Variants in ARHGEF37 observed in about 807,000 individuals in gnomAD.
ARHGEF37 encodes Rho guanine nucleotide exchange factor (GEF) 37.
In ARHGEF37, 55 loss-of-function variants were observed where a neutral mutation model predicts 71.1. The observed-to-expected ratio is 0.77, with a 90% CI of 0.62 to 0.97. The LOEUF (loss-of-function observed/expected upper bound fraction) is 0.97, where lower values mean the gene tolerates loss of function less well. ARHGEF37 is among the 50% of genes least tolerant of loss of function. The pLI, the probability that ARHGEF37 is intolerant of heterozygous loss-of-function variation, is 0.00. For missense variants in ARHGEF37, 765 were observed against 836.8 expected (o/e 0.91, Z 1.06); for synonymous variants, 327 against 350.6 (o/e 0.93, Z 0.75).
rs548012612 is a variant in ARHGEF37 at position 149,626,912 on chromosome 5, A to G, written c.1465-164A>G. ...CGCCGTAGGCTGCTAAGAGCCAGCC[A>G]TCTGCTAGTGAGGGCCCTGTTGCCC... On this transcript the variant is annotated intron_variant, in intron 10 of 12. Coordinates refer to ENST00000333677, the MANE Select transcript of ARHGEF37 (RefSeq NM_001001669.3). 3.1e-4 allele frequency: 168 copies of G among 540,504 alleles called. 2 individuals are homozygous for G. In the South Asian group the frequency reaches 9.2e-3, roughly 29 times the overall value. 33.5% of individuals were successfully genotyped at this position (540,504 alleles called of 1,614,324 possible).
In ARHGEF37 at chr5:149,572,387, A is replaced by G. The variant is rs574527263; in HGVS notation, c.-12+20264A>G. ...GTTACAGGCTATCAAGGAGACAAGTAAACATTACCCAAGGACTTTGCATTC... is the reference window on the plus strand; with the variant it reads ...GTTACAGGCTATCAAGGAGACAAGTGAACATTACCCAAGGACTTTGCATTC... On this transcript the variant is annotated intron_variant, in intron 1 of 2. Transcript: ENST00000505810. Among the ~76,000 whole-genome samples the G allele has an allele frequency of 4.6e-5, 7 of 152,352 alleles. No homozygotes were observed. In the South Asian group the frequency reaches 1.4e-3, roughly 32 times the overall value.
intron 1 of ARHGEF37, among the ~76,000 whole-genome samples, chr5:149,571,655 G>C (rs1749966236): frequency 6.6e-6 from 1 of 152,112 alleles, no homozygotes; most frequent in Non-Finnish European, 1.5e-5. Flanking sequence ...GCACAGTGGT[G>C]CATGCCTGTA....
At position 149,588,436 on chromosome 5, in the gene ARHGEF37, A is replaced by G. The variant is rs529653844; in HGVS notation, c.-12+6812A>G. ...CTCAGCCACCCAAGTAGCTGAGATT[A>G]CAGGCGTGTGCTACCACGCCTGGCT... On this transcript the variant is annotated intron_variant, in intron 1 of 12. Transcript: ENST00000333677. Among the ~76,000 whole-genome samples the G allele has an allele frequency of 3.3e-5, 5 of 152,226 alleles. No homozygotes were observed. In the East Asian group the frequency reaches 9.7e-4, roughly 29 times the overall value.
At chr5:149,618,102 C>G in intron 5 of ARHGEF37, 74 bp from the exon 6 acceptor site, 1 of 1,586,068 alleles carries the variant, frequency 6.3e-7, no homozygotes, top group Non-Finnish European at 8.6e-7. Flanking sequence ...AGGTGCCCAG[C>G]CGGGCATGTC....
At chr5:149,587,894 C>CCTTTTTTTTTTTTTTTTTTTTTT (rs1561790080) in intron 1 of ARHGEF37, among the ~76,000 whole-genome samples, 1 of 129,164 alleles carries the variant, frequency 7.7e-6, no homozygotes, top group African/African-American at 3.0e-5. Context: ...TCCCTTTAGT[C>CCTTTTTTTTTTTTTTTTTTTTTT]TTTTTTTTTT....
rs1752719874 is a variant in ARHGEF37, at chr5:149,627,278, G to A, written c.1660+7G>A. The stretch of plus-strand genomic sequence containing the variant: ...TGGCTGGTGGACACCGGGGGTACGT[G>A]AGCCTTTGGGAGCCCTTCTTCTCCT... On this transcript the variant is annotated splice_region_variant and intron_variant, in intron 11 of 12. Coordinates refer to ENST00000333677, the MANE Select transcript of ARHGEF37 (RefSeq NM_001001669.3). 1.2e-6 allele frequency: 2 copies of A among 1,609,898 alleles called. No individual in the cohort carries two copies. Among genetic ancestry groups the A allele is most frequent in the South Asian group, 1.1e-5 (1 of 90,672 alleles).
At chr5:149,624,865 G>A (rs569853259) in intron 10 of ARHGEF37, among the ~76,000 whole-genome samples, 1 of 150,028 alleles carries the variant, frequency 6.7e-6, no homozygotes, top group African/African-American at 2.4e-5. Flanking sequence ...GCTGCATGAT[G>A]GTTTACAAAG....
intron 1 of ARHGEF37, among the ~76,000 whole-genome samples, chr5:149,554,458 C>A (rs1052119639): frequency 2.0e-5 from 3 of 151,978 alleles, no homozygotes; most frequent in Admixed American, 6.6e-5. Context: ...CCCTTCTAAC[C>A]CTGAGATTCT....
At chr5:149,568,524 C>T (rs989111410) in intron 1 of ARHGEF37, among the ~76,000 whole-genome samples, 38 of 152,040 alleles carry the variant, frequency 2.5e-4, no homozygotes, top group Admixed American at 2.5e-3. Flanking sequence ...GTATCCCACA[C>T]CCCTATCAAG....
chr5:149,598,344 CCT>C (rs1763628224), intron 2 of ARHGEF37, among the ~76,000 whole-genome samples: 2 of 125,588 alleles, frequency 1.6e-5, no homozygotes, highest in African/African-American at 5.8e-5. Context: ...TCTTCCTCTT[CCT>C]CTTCTTCTTC....
intron 2 of ARHGEF37, among the ~76,000 whole-genome samples, chr5:149,598,615 A>G (rs1469593159): frequency 1.3e-5 from 2 of 151,528 alleles, no homozygotes; most frequent in Non-Finnish European, 2.9e-5. Context: ...AAGTCAGGAA[A>G]TGCATTTGCT....
chr5:149,615,601 A>AT (rs565748965), intron 4 of ARHGEF37, among the ~76,000 whole-genome samples: 4 of 151,848 alleles, frequency 2.6e-5, no homozygotes, highest in East Asian at 1.9e-4. Context: ...TTTTAAGAAC[A>AT]TTTTTTTTGG....
At chr5:149,577,099 G>C (rs1464413410), upstream of ARHGEF37, among the ~76,000 whole-genome samples, 1 of 152,120 alleles carries the variant, frequency 6.6e-6, no homozygotes, top group Non-Finnish European at 1.5e-5. Flanking sequence ...TATAGTAGTA[G>C]ACTTGGCTTC....
At chr5:149,627,298 TCTC>T (rs1250968301) in intron 11 of ARHGEF37, 27 bp downstream of exon 11, 2 of 1,603,080 alleles carry the variant, frequency 1.2e-6, no homozygotes, top group East Asian at 4.5e-5. Context: ...GAGCCCTTCT[TCTC>T]CTTCGGGGAA....
At chr5:149,619,661 G>A (rs1752478069) in intron 7 of ARHGEF37, among the ~76,000 whole-genome samples, 1 of 152,152 alleles carries the variant, frequency 6.6e-6, no homozygotes, top group Admixed American at 6.5e-5. Flanking sequence ...GTCAATGTGA[G>A]CAACTAATTA....
At chr5:149,592,099 C>T (rs962263699) in intron 1 of ARHGEF37, among the ~76,000 whole-genome samples, 16 of 152,204 alleles carry the variant, frequency 1.1e-4, no homozygotes, top group South Asian at 8.3e-4. Context: ...CCAATGGTTA[C>T]ATCTTATTTA....
intron 1 of ARHGEF37, among the ~76,000 whole-genome samples, chr5:149,591,132 G>A (rs942735532): frequency 6.6e-6 from 1 of 151,570 alleles, no homozygotes; most frequent in Non-Finnish European, 1.5e-5. Flanking sequence ...TCATGGCCAT[G>A]CCTTGCATGG....
At chr5:149,581,123 T>C (rs13184845), upstream of ARHGEF37, among the ~76,000 whole-genome samples, 26,616 of 152,178 alleles carry the variant, frequency 0.17, 3,096 homozygotes, top group South Asian at 0.34. Flanking sequence ...AGAATTAAAT[T>C]GAGGCCCAGC....
chr5:149,578,539 C>A (rs1412831848), upstream of ARHGEF37, among the ~76,000 whole-genome samples: 1 of 152,180 alleles, frequency 6.6e-6, no homozygotes, highest in African/African-American at 2.4e-5. Context: ...TTATTCAGCA[C>A]CTACTATGCA....
Sources: gnomAD v4.1 joint callset for allele counts (sites outside exome capture counted in the v4.1 genomes callset) on GRCh38, gnomAD v4.1.1 for gene constraint, MANE v1.5 for transcripts, NCBI Gene and HGNC (gene_info 2026-07-23, HGNC 2026-07-21) for gene names.